The following ARHGAP18 variants were observed in gnomAD, a reference collection of about 807,000 sequenced individuals.
ARHGAP18 encodes the protein rho GTPase-activating protein 18.
Under a neutral mutation model 86.2 loss-of-function variants are expected in ARHGAP18, and 67 were observed. The ratio of observed to expected loss-of-function variants is 0.78; its 90% CI spans 0.64 to 0.95. The LOEUF is 0.95. Ranked by LOEUF, ARHGAP18 falls within the 40% of genes least tolerant of loss-of-function variation. The pLI is 0.00. For missense variants in ARHGAP18, 691 were observed against 780.4 expected, an observed-to-expected ratio of 0.89 and a Z score of 1.37; for synonymous variants, 283 against 280.4, an observed-to-expected ratio of 1.01 and a Z score of -0.09.
chr6:129,582,757 A>G (rs1247505073), intron 13 of ARHGAP18, among the ~76,000 whole-genome samples: 2 of 152,198 alleles, frequency 1.3e-5, no homozygotes, highest in Non-Finnish European at 2.9e-5. Context: ...TTGGAGGGAA[A>G]CCACAGATTT....
chr6:129,644,279 C>T (rs900351923), intron 1 of ARHGAP18, among the ~76,000 whole-genome samples: 10 of 152,166 alleles, frequency 6.6e-5, no homozygotes, highest in Non-Finnish European at 1.2e-4. Context: ...TCCCCATATC[C>T]GGCCCCAATG....
intron 1 of ARHGAP18, among the ~76,000 whole-genome samples, chr6:129,661,021 T>TA (rs34750408): frequency 0.032 from 3,848 of 121,528 alleles, 144 homozygotes; most frequent in African/African-American, 0.096. Flanking sequence ...ACAAAACCTT[T>TA]AAAAAAAAAA....
chr6:129,664,101 G>T (rs895730018), intron 1 of ARHGAP18, among the ~76,000 whole-genome samples: 25 of 152,252 alleles, frequency 1.6e-4, no homozygotes, highest in African/African-American at 6.0e-4. Context: ...GTCCCTGTGG[G>T]CCTCTGGGTT....
intron 1 of ARHGAP18, among the ~76,000 whole-genome samples, chr6:129,665,643 G>A (rs368872678): frequency 2.0e-5 from 3 of 152,280 alleles, no homozygotes; most frequent in East Asian, 1.9e-4. Context: ...ATAATAAAAT[G>A]CTCTAAAATA....
At chr6:129,639,753 A>C (rs1338984270) in intron 2 of ARHGAP18, among the ~76,000 whole-genome samples, 1 of 152,180 alleles carries the variant, frequency 6.6e-6, no homozygotes, top group Non-Finnish European at 1.5e-5. Context: ...CATAAAAAGT[A>C]AGTCAGCAAG....
At chr6:129,637,354 A>G (rs1773355531) in intron 3 of ARHGAP18, among the ~76,000 whole-genome samples, 1 of 151,984 alleles carries the variant, frequency 6.6e-6, no homozygotes, top group Non-Finnish European at 1.5e-5. Context: ...AGCCTCTCAA[A>G]CTTTTATCAT....
intron 1 of ARHGAP18, among the ~76,000 whole-genome samples, chr6:129,657,849 G>A (rs1773871365): frequency 6.6e-6 from 1 of 152,192 alleles, no homozygotes; most frequent in South Asian, 2.1e-4. Context: ...ATGCATGACA[G>A]AAAAGAGACC....
At chr6:129,615,799 C>G (rs1338733273) in intron 7 of ARHGAP18, among the ~76,000 whole-genome samples, 1 of 152,142 alleles carries the variant, frequency 6.6e-6, no homozygotes, top group Admixed American at 6.5e-5. Context: ...GGTTTCTTTG[C>G]CTACTTTGGA....
intron 1 of ARHGAP18, among the ~76,000 whole-genome samples, chr6:129,676,773 T>C (rs1001706817): frequency 6.6e-6 from 1 of 152,052 alleles, no homozygotes; most frequent in Admixed American, 6.6e-5. Context: ...TGCATTTCCT[T>C]GGGTGTGGAA....
At position 129,618,826 on chromosome 6, in the gene ARHGAP18, C is replaced by T. The variant is rs150029445; in HGVS notation, c.813G>A (p.Thr271=). The change falls in exon 6 of 15, where the codon ACG becomes ACA. Residue 271 remains threonine, a synonymous_variant. Transcript: ENST00000368149. ...CGAGGTCACCAATCCTTGTGGTACC[C>T]GTTTTGTCTTTTGGCAATCTGAAAC... ...LPSFRLPKDK[T]GTTRIGDLAP... is the part of the protein sequence containing the mutation. The T allele has an allele frequency of 3.7e-6, 6 of 1,612,214 alleles. No homozygotes were observed. The highest frequency in any genetic ancestry group is 2.2e-5 in the East Asian group (1 of 44,844).
chr6:129,699,519 G>T (rs1774676813), intron 1 of ARHGAP18, among the ~76,000 whole-genome samples: 1 of 152,190 alleles, frequency 6.6e-6, no homozygotes, highest in African/African-American at 2.4e-5. Flanking sequence ...CTGTAGTTGG[G>T]AACTTGGAAT....
chr6:129,686,860 G>A (rs193119637), intron 1 of ARHGAP18, among the ~76,000 whole-genome samples: 44 of 146,280 alleles, frequency 3.0e-4, no homozygotes, highest in African/African-American at 9.8e-4. Flanking sequence ...GCGCGATCTC[G>A]GATCACTGCA....
chr6:129,647,404 T>C (rs1388992396), intron 1 of ARHGAP18, among the ~76,000 whole-genome samples: 2 of 152,224 alleles, frequency 1.3e-5, no homozygotes. Context: ...CCTATCGTGA[T>C]GCTTTCTATC....
chr6:129,597,391 C>A (rs987859296), intron 12 of ARHGAP18, among the ~76,000 whole-genome samples: 3 of 152,120 alleles, frequency 2.0e-5, no homozygotes, highest in Non-Finnish European at 2.9e-5. Context: ...GCCAAACAGA[C>A]CTCCACCATG....
Position 129,618,562 on chromosome 6 carries a change from A to G in ARHGAP18, c.952+125T>C, listed in dbSNP as rs906451177. ...GGCAACATCTTAGAATATAAACTTT[A>G]GATGTATTCAAGTGTTGGTTTATTT... On this transcript the variant is annotated intron_variant, in intron 6 of 14. Coordinates refer to ENST00000368149, the MANE Select transcript of ARHGAP18 (RefSeq NM_033515.3). The G allele has an allele frequency of 5.3e-5, 45 of 842,786 alleles. No homozygotes were observed. The South Asian group carries it at 7.7e-4, about 14-fold the overall frequency. 52.2% of individuals were successfully genotyped at this position (842,786 alleles called of 1,614,324 possible).
chr6:129,674,478 T>C (rs1361924754), intron 1 of ARHGAP18, among the ~76,000 whole-genome samples: 6 of 152,214 alleles, frequency 3.9e-5, no homozygotes. Flanking sequence ...CGTCCATGAG[T>C]TCCACATCTG....
At chr6:129,650,052 A>G (rs910723320) in intron 1 of ARHGAP18, among the ~76,000 whole-genome samples, 1 of 149,636 alleles carries the variant, frequency 6.7e-6, no homozygotes, top group Non-Finnish European at 1.5e-5. Flanking sequence ...AGCTGGGATT[A>G]CACACATGTG....
intron 1 of ARHGAP18, among the ~76,000 whole-genome samples, chr6:129,683,582 T>G (rs907537045): frequency 2.0e-5 from 3 of 152,192 alleles, no homozygotes; most frequent in African/African-American, 7.2e-5. Context: ...CATATTTTGA[T>G]TAGCAGTATG....
At chr6:129,701,783 C>CAA (rs1168605930) in intron 1 of ARHGAP18, among the ~76,000 whole-genome samples, 1 of 149,584 alleles carries the variant, frequency 6.7e-6, no homozygotes. Context: ...TAAAAAAAAA[C>CAA]AAAAAACAAA....
Sources: allele counts gnomAD v4.1 joint callset (sites outside exome capture counted in the v4.1 genomes callset), GRCh38; gene constraint gnomAD v4.1.1; transcripts MANE v1.5; gene names NCBI Gene and HGNC (gene_info 2026-07-23, HGNC 2026-07-21).